Variants in CYP27C1 observed in about 807,000 individuals in gnomAD.
CYP27C1 encodes cytochrome P450 family 27 subfamily C member 1.
A neutral mutation model predicts 40.6 loss-of-function variants in CYP27C1; 29 were observed. The observed-to-expected ratio is 0.71, with a 90% confidence interval of 0.53 to 0.97. The LOEUF is 0.97. Among genes scored for constraint, CYP27C1 ranks in the 50% least tolerant of loss-of-function variants. The pLI is 0.00. For synonymous variants in CYP27C1, 198 were observed against 186.8 expected (o/e 1.06, Z -0.49); for missense variants, 390 against 485.8 (o/e 0.80, Z 1.85).
At chr2:127,199,630 T>A in intron 4 of CYP27C1, 91 bp from the exon 5 acceptor site, 1 of 1,358,724 alleles carries the variant, frequency 7.4e-7, no homozygotes, top group Non-Finnish European at 9.9e-7. Flanking sequence ...GTAGCTTAAC[T>A]AAACCAGTGG....
rs766687440 is a variant in CYP27C1 at position 127,187,356 on chromosome 2, G to A, written c.1529C>T (p.Ser510Phe). ...TTTTGCATGAACAGCATTGGTCTGAGAAGATGTTTTGATCTCAAAATGTTG... is the reference window on the plus strand; with the variant it reads ...TTTTGCATGAACAGCATTGGTCTGAAAAGATGTTTTGATCTCAAAATGTTG... The part of the protein sequence containing the change: ...LLQHFEIKTS[S>F]QTNAVHAKTH... Residue 510 changes from serine to phenylalanine, a missense_variant, in exon 9 of 9, where the codon TCT (serine) becomes TTT (phenylalanine). Physicochemically the swap from Ser to Phe is radical, Grantham distance 155. Transcript: ENST00000664447. The A allele has an allele frequency of 6.2e-7, 1 of 1,614,162 alleles. No homozygotes were observed. The highest frequency in any genetic ancestry group is 2.2e-5 in the East Asian group (1 of 44,886).
Position 127,204,551 on chromosome 2 carries a change from G to GAGAAAGAAAGAAAGAA in CYP27C1, c.474-981_474-980insTTCTTTCTTTCTTTCT, listed in dbSNP as rs1553503344. ...AAAGAAAGAAAGAGAGAGAGAGAGA[G>GAGAAAGAAAGAAAGAA]AGAGAGAAAGAAAGAAAGAAAGAAA... On this transcript the variant is annotated intron_variant, in intron 2 of 8. Transcript: ENST00000664447. 6.6e-4 allele frequency among the ~76,000 whole-genome samples: 34 copies of GAGAAAGAAAGAAAGAA among 51,292 alleles called. 2 individuals carry two copies. The highest frequency in any genetic ancestry group is 2.3e-3 in the African/African-American group (34 of 14,716). The allele number at this position is 51,292 out of a possible 152,430, so 33.6% of individuals were successfully genotyped here.
At chr2:127,204,475 A>G (rs879679878) in intron 2 of CYP27C1, among the ~76,000 whole-genome samples, 18,729 of 82,554 alleles carry the variant, frequency 0.23, 4,575 homozygotes, top group East Asian at 0.52. Flanking sequence ...AAAGAAAGAA[A>G]GAAAGAAAGA....
chr2:127,212,169 GTAAT>G (rs531964884), intron 1 of CYP27C1, among the ~76,000 whole-genome samples: 248 of 152,256 alleles, frequency 1.6e-3, no homozygotes, highest in Admixed American at 4.3e-3. Context: ...AATTGAGGCA[GTAAT>G]TAATAGTCTA....
Position 127,195,568 on chromosome 2 carries a change from G to A in CYP27C1, c.1048-67C>T. 6 of 1,547,836 alleles carry A rather than the reference G, an allele frequency of 3.9e-6. No homozygotes were observed. The East Asian group carries it at 9.2e-5, about 24-fold the overall frequency. ...CACCAGGGACTGAAACAGAGGCGGT[G>A]GCAGGTAGGAAGTCCCCTGGGAATA... On this transcript the variant is annotated intron_variant, in intron 5 of 8. Coordinates refer to ENST00000664447, the MANE Select transcript of CYP27C1 (RefSeq NM_001367502.1). This position sits in a 1 kb window ranked among gnomAD's most constrained non-coding sequence, Gnocchi z 6.2.
Position 127,208,179 on chromosome 2 carries a change from G to A in CYP27C1, c.283-2089C>T, listed in dbSNP as rs562337626. Among the ~76,000 whole-genome samples the A allele has an allele frequency of 6.6e-6, 1 of 152,180 alleles. No individual in the cohort carries two copies. Among genetic ancestry groups the A allele is most frequent in the Non-Finnish European group, 1.5e-5 (1 of 68,018 alleles). On this transcript the variant is annotated intron_variant, in intron 1 of 8. Coordinates refer to ENST00000664447, the MANE Select transcript of CYP27C1 (RefSeq NM_001367502.1). The surrounding 1 kb of genome is among the most constrained non-coding windows in gnomAD (Gnocchi z 5.2). ...ATGTGAAACCTTCCCTGGCAGCCAG[G>A]GTATCCAGGTTCTCTCATCAAAATT... is the stretch of plus-strand genomic sequence containing the variant.
At chr2:127,203,876 G>A (rs1683097277) in intron 2 of CYP27C1, among the ~76,000 whole-genome samples, 1 of 151,738 alleles carries the variant, frequency 6.6e-6, no homozygotes, top group African/African-American at 2.4e-5. Flanking sequence ...AAATAATATT[G>A]TAATAAAGAA....
chr2:127,187,039 A>G lies in CYP27C1; in HGVS notation c.*232T>C, dbSNP rs181582208. 4.1e-6 allele frequency: 2 copies of G among 492,908 alleles called. No homozygotes were observed. Among genetic ancestry groups the G allele is most frequent in the Non-Finnish European group, 3.7e-6 (1 of 273,842 alleles). The allele number at this position is 492,908 out of a possible 1,614,324, so 30.5% of individuals were successfully genotyped here. A position where few individuals can be genotyped will look rare whatever the true frequency, so the allele number is the denominator to read the frequency against. On this transcript the variant is annotated 3_prime_UTR_variant, in exon 9 of 9. Coordinates refer to ENST00000664447, the MANE Select transcript of CYP27C1 (RefSeq NM_001367502.1). ...AATTCACTGCCACTGGTTTTTAAAC[A>G]GCTGTTTCCCCCAAAGAAAGGGCAA...
Position 127,184,555 on chromosome 2 carries a change from A to G in CYP27C1, c.*2716T>C, listed in dbSNP as rs7371196. On this transcript the variant is annotated 3_prime_UTR_variant, in exon 9 of 9. Transcript: ENST00000664447. ...GCCTCCCAAGTAGCTGGAATTACAGAAGCCCGCCACCATGCCTGGATAATT... is the reference window on the plus strand; with the variant it reads ...GCCTCCCAAGTAGCTGGAATTACAGGAGCCCGCCACCATGCCTGGATAATT... The G allele has an allele frequency of 0.63, 95,442 of 151,836 alleles. 30,510 individuals carry two copies. Among genetic ancestry groups the G allele is most frequent in the African/African-American group, 0.74 (30,778 of 41,402 alleles). 9.4% of individuals were successfully genotyped at this position (151,836 alleles called of 1,614,324 possible).
intron 8 of CYP27C1, among the ~76,000 whole-genome samples, chr2:127,191,438 C>T (rs1682766895): frequency 6.6e-6 from 1 of 152,164 alleles, no homozygotes; most frequent in African/African-American, 2.4e-5. Flanking sequence ...TTCAGGCAGC[C>T]AGAGCCTGGG....
Position 127,195,708 on chromosome 2 carries a change from G to A in CYP27C1, c.1048-207C>T, listed in dbSNP as rs756322064. Among the ~76,000 whole-genome samples, 7 of 152,088 alleles carry A rather than the reference G, an allele frequency of 4.6e-5. No individual in the cohort carries two copies. The highest frequency in any genetic ancestry group is 2.1e-4 in the South Asian group (1 of 4,808). On this transcript the variant is annotated intron_variant, in intron 5 of 8. Transcript: ENST00000664447. The surrounding 1 kb of genome is among the most constrained non-coding windows in gnomAD (Gnocchi z 6.2). ...TAAATAAATAAATAAATAACTGAAC[G>A]TATTTGGCAAGTGACATTGACTCTA...
At chr2:127,197,623 T>C (rs768632603) in intron 5 of CYP27C1, among the ~76,000 whole-genome samples, 1 of 152,052 alleles carries the variant, frequency 6.6e-6, no homozygotes, top group Non-Finnish European at 1.5e-5. Context: ...CAATCTTAAT[T>C]CTCTCTTTCC....
At chr2:127,205,402 C>T (rs1192534349) in intron 2 of CYP27C1, among the ~76,000 whole-genome samples, 1 of 152,206 alleles carries the variant, frequency 6.6e-6, no homozygotes, top group East Asian at 1.9e-4. Flanking sequence ...CCGCGGGCCA[C>T]GATCTCTTGG....
chr2:127,204,127 G>A (rs1302715982), intron 2 of CYP27C1, among the ~76,000 whole-genome samples: 13 of 151,410 alleles, frequency 8.6e-5, no homozygotes, highest in African/African-American at 2.9e-4. Flanking sequence ...TTAGCCGGGT[G>A]TGGTGGTGGG....
intron 8 of CYP27C1, among the ~76,000 whole-genome samples, chr2:127,191,962 T>G (rs1180817882): frequency 6.6e-6 from 1 of 152,098 alleles, no homozygotes; most frequent in Non-Finnish European, 1.5e-5. Flanking sequence ...GTTCTGTGCC[T>G]CCTCCCTGGG....
At chr2:127,198,527 G>T (rs904570929) in intron 5 of CYP27C1, among the ~76,000 whole-genome samples, 5 of 145,744 alleles carry the variant, frequency 3.4e-5, no homozygotes, top group African/African-American at 1.2e-4. Flanking sequence ...GCTTTTCACA[G>T]AAATCATTAT....
chr2:127,194,704 C>T (rs1251562762), intron 6 of CYP27C1, among the ~76,000 whole-genome samples: 1 of 152,214 alleles, frequency 6.6e-6, no homozygotes, highest in Non-Finnish European at 1.5e-5. Context: ...ATTTTCCTAA[C>T]AAATCGATCT....
rs1428537118 is a variant in CYP27C1 at position 127,208,673 on chromosome 2, A to G, written c.283-2583T>C. On this transcript the variant is annotated intron_variant, in intron 1 of 8. Transcript: ENST00000664447. The surrounding 1 kb of genome is among the most constrained non-coding windows in gnomAD (Gnocchi z 5.2). The stretch of plus-strand genomic sequence containing the variant: ...GCTGCACTTTTCCCCTGCTGGAGCC[A>G]GGGAGGCTGGATGGCTTGGTCCCAA... 6.6e-6 allele frequency among the ~76,000 whole-genome samples: 1 copy of G among 152,210 alleles called. No homozygotes were observed. The highest frequency in any genetic ancestry group is 1.5e-5 in the Non-Finnish European group (1 of 68,032).
intron 1 of CYP27C1, among the ~76,000 whole-genome samples, chr2:127,214,782 G>GTTTTTTTTTTTTTTTTTTTT (rs57262340): frequency 1.1e-5 from 1 of 92,374 alleles, no homozygotes; most frequent in African/African-American, 4.1e-5. Flanking sequence ...TCCGTTTTTT[G>GTTTTTTTTTTTTTTTTTTTT]TTTTTTTTTT....
Sources: gnomAD v4.1 joint callset for allele counts (sites outside exome capture counted in the v4.1 genomes callset) on GRCh38, gnomAD v4.1.1 for gene constraint, Gnocchi (gnomAD v3.1) non-coding constraint, MANE v1.5 for transcripts, NCBI Gene and HGNC (gene_info 2026-07-23, HGNC 2026-07-21) for gene names.